Variants in MEGF11 observed in about 807,000 individuals in gnomAD.
The protein encoded by MEGF11 is multiple EGF like domains 11.
A neutral mutation model predicts 146.6 loss-of-function variants in MEGF11; 126 were observed. The ratio of observed to expected loss-of-function variants is 0.86; its 90% CI spans 0.74 to 1.00. The LOEUF (loss-of-function observed/expected upper bound fraction) is 1.00, where lower values mean the gene tolerates loss of function less well. Ranked by LOEUF, MEGF11 falls within the 50% of genes least tolerant of loss-of-function variation. The pLI is 0.00. For missense variants in MEGF11, 1,509 were observed against 1,521.2 expected, an observed-to-expected ratio of 0.99 and a Z score of 0.13; for synonymous variants, 532 against 583.4, an observed-to-expected ratio of 0.91 and a Z score of 1.27.
intron 1 of MEGF11, among the ~76,000 whole-genome samples, chr15:66,135,064 C>A (rs1217660441): frequency 3.3e-5 from 5 of 152,152 alleles, no homozygotes; most frequent in Non-Finnish European, 7.3e-5. Flanking sequence ...TCACGTCTTG[C>A]ACATTAAGGA....
In MEGF11 at chr15:66,247,211, C is replaced by G. The variant is rs1419951080; in HGVS notation, c.-9+6394G>C. Among the ~76,000 whole-genome samples the G allele has an allele frequency of 2.6e-5, 4 of 152,244 alleles. No individual in the cohort carries two copies. In the East Asian group the frequency reaches 7.7e-4, roughly 29 times the overall value. On this transcript the variant is annotated intron_variant, in intron 1 of 25. Transcript: ENST00000395614. Reference sequence around the variant, plus strand: ...TGCTCCTCCTATAATGGTGGGTCTGCAAGTCATGATTATTTATTCTCTAGT... The same window carrying G: ...TGCTCCTCCTATAATGGTGGGTCTGGAAGTCATGATTATTTATTCTCTAGT...
In MEGF11 at chr15:65,964,923, G is replaced by T. The variant is rs756519988; in HGVS notation, c.1097C>A (p.Ala366Asp). The T allele has an allele frequency of 7.0e-6, 11 of 1,566,810 alleles. No homozygotes were observed. The South Asian group carries it at 1.2e-4, about 17-fold the overall frequency. The stretch of plus-strand genomic sequence containing the variant: ...CAGCTCATACCTGATGGTGTTGTCA[G>T]CGTCACAGGGGCAGGGCAGGGTGCA... ...PGCTLPCPCDADNTISCHPVT... is the reference protein window; with the variant it reads ...PGCTLPCPCDDDNTISCHPVT... The change falls in exon 9 of 26, where the codon GCT (alanine) becomes GAT (aspartate). Residue 366 changes from alanine to aspartate, a missense_variant. By Grantham distance (126) the Ala-to-Asp change is moderately radical. Coordinates refer to ENST00000395614, the MANE Select transcript of MEGF11 (RefSeq NM_001385028.1).
At chr15:66,141,145 G>A (rs1046091622) in intron 1 of MEGF11, among the ~76,000 whole-genome samples, 22 of 152,052 alleles carry the variant, frequency 1.4e-4, no homozygotes, top group Admixed American at 5.2e-4. Context: ...CGAAATGCAG[G>A]CTCACGTGGA....
chr15:66,188,544 A>G (rs1567277190), intron 1 of MEGF11, among the ~76,000 whole-genome samples: 1 of 152,176 alleles, frequency 6.6e-6, no homozygotes, highest in Non-Finnish European at 1.5e-5. Flanking sequence ...CGCTCATGGA[A>G]GCCCCATACT....
chr15:66,062,859 A>G (rs971554005), intron 5 of MEGF11, among the ~76,000 whole-genome samples: 3 of 152,228 alleles, frequency 2.0e-5, no homozygotes, highest in African/African-American at 7.2e-5. Flanking sequence ...GCATAGCTGG[A>G]GCAGGTGTGC....
intron 24 of MEGF11, chr15:65,902,238 G>C (rs1277892162): frequency 6.6e-6 from 1 of 152,212 alleles, no homozygotes; most frequent in African/African-American, 2.4e-5. Context: ...AAAAGTCGGG[G>C]CTACTTTAAA....
At position 65,964,892 on chromosome 15, in the gene MEGF11, C is replaced by T; in HGVS notation, c.1112+16G>A. The T allele has an allele frequency of 6.8e-7, 1 of 1,464,466 alleles. No individual in the cohort carries two copies. Among genetic ancestry groups the T allele is most frequent in the Non-Finnish European group, 9.1e-7 (1 of 1,102,438 alleles). 90.7% of individuals were successfully genotyped at this position (1,464,466 alleles called of 1,614,324 possible). A position where few individuals can be genotyped will look rare whatever the true frequency, so the allele number is the denominator to read the frequency against. On this transcript the variant is annotated intron_variant, in intron 9 of 25. Transcript: ENST00000395614. The stretch of plus-strand genomic sequence containing the variant: ...CCCCCGCCCTTGTCCCGGGCTCGCC[C>T]ATTCCCAGCTCATACCTGATGGTGT...
At chr15:65,931,807 A>G (rs552600201) in intron 10 of MEGF11, among the ~76,000 whole-genome samples, 2 of 152,360 alleles carry the variant, frequency 1.3e-5, no homozygotes, top group South Asian at 4.1e-4. Context: ...TCCTTTCTCA[A>G]TATCATGTGC....
intron 5 of MEGF11, among the ~76,000 whole-genome samples, chr15:66,082,514 T>TATCTATCTATATATAA (rs1555468628): frequency 9.6e-5 from 11 of 115,026 alleles, no homozygotes; most frequent in Non-Finnish European, 1.5e-4. Context: ...TCTATCTATC[T>TATCTATCTATATATAA]ATAAATAAAT....
Position 65,916,838 on chromosome 15 carries a change from G to C in MEGF11, c.2205C>G (p.Phe735Leu). ...GGAGGTGGGGCTTACGCTGTGTGCAGAAGAGTCCAGTCCAGCCAGGGGTGC... is the reference window on the plus strand; with the variant it reads ...GGAGGTGGGGCTTACGCTGTGTGCACAAGAGTCCAGTCCAGCCAGGGGTGC... Reference protein sequence around the residue: ...CHCTPGWTGLFCTQRCPAAFF... With the variant: ...CHCTPGWTGLLCTQRCPAAFF... Residue 735 changes from phenylalanine to leucine, a missense_variant, in exon 17 of 26, where the codon TTC (phenylalanine) becomes TTG (leucine). Phe to Leu is a conservative substitution (Grantham distance 22, BLOSUM62 0). Coordinates refer to ENST00000395614, the MANE Select transcript of MEGF11 (RefSeq NM_001385028.1). 6.2e-7 allele frequency: 1 copy of C among 1,607,934 alleles called. No individual in the cohort carries two copies. The highest frequency in any genetic ancestry group is 8.5e-7 in the Non-Finnish European group (1 of 1,176,048).
chr15:66,063,742 G>A (rs1418610737), intron 5 of MEGF11, among the ~76,000 whole-genome samples: 1 of 152,196 alleles, frequency 6.6e-6, no homozygotes, highest in African/African-American at 2.4e-5. Flanking sequence ...TCTACACTTG[G>A]GAGTTCTCCA....
chr15:65,910,066 C>T (rs1448820584), intron 21 of MEGF11: 1 of 627,102 alleles, frequency 1.6e-6, no homozygotes, highest in Non-Finnish European at 3.0e-6. Flanking sequence ...GTAGCTTGAG[C>T]CAAGCTGGCC....
intron 9 of MEGF11, among the ~76,000 whole-genome samples, chr15:65,959,722 T>C (rs1247966618): frequency 6.6e-6 from 1 of 152,222 alleles, no homozygotes; most frequent in African/African-American, 2.4e-5. Context: ...TAATAAATAA[T>C]ATGTGACTAG....
At chr15:65,975,814 C>G (rs544135044) in intron 7 of MEGF11, among the ~76,000 whole-genome samples, 1 of 152,132 alleles carries the variant, frequency 6.6e-6, no homozygotes, top group South Asian at 2.1e-4. Flanking sequence ...AGTAATTGAA[C>G]CAAGTTGACA....
At position 65,972,946 on chromosome 15, in the gene MEGF11, C is replaced by T. The variant is rs182821092; in HGVS notation, c.763-2257G>A. On this transcript the variant is annotated intron_variant, in intron 7 of 25. Transcript: ENST00000395614. Reference sequence around the variant, plus strand: ...CAGCCTGACCAACATAGAGAAACCCCGTCTCTAATAAAAATACAAAATTAA... The same window carrying T: ...CAGCCTGACCAACATAGAGAAACCCTGTCTCTAATAAAAATACAAAATTAA... 4.6e-3 allele frequency among the ~76,000 whole-genome samples: 693 copies of T among 152,212 alleles called. 6 individuals are homozygous for T. Among genetic ancestry groups the T allele is most frequent in the African/African-American group, 0.016 (661 of 41,538 alleles).
intron 10 of MEGF11, 110 bp downstream of exon 10, chr15:65,957,437 G>T: frequency 9.4e-7 from 1 of 1,061,134 alleles, no homozygotes; most frequent in Non-Finnish European, 1.4e-6. Flanking sequence ...CTCTGAGGCG[G>T]ACACAAGGAG....
intron 5 of MEGF11, among the ~76,000 whole-genome samples, chr15:66,085,851 A>C (rs2086086236): frequency 6.6e-6 from 1 of 152,222 alleles, no homozygotes; most frequent in Non-Finnish European, 1.5e-5. Context: ...AAAAGAATTC[A>C]GGAGGTTATT....
At chr15:65,902,636 C>T (rs2078522839) in intron 24 of MEGF11, 1 of 152,242 alleles carries the variant, frequency 6.6e-6, no homozygotes, top group Non-Finnish European at 1.5e-5. Context: ...AGTCCCAGCC[C>T]TTCAGGGCAT....
intron 1 of MEGF11, among the ~76,000 whole-genome samples, chr15:66,193,242 C>T (rs1435558497): frequency 6.6e-6 from 1 of 152,188 alleles, no homozygotes; most frequent in East Asian, 1.9e-4. Context: ...CTCACATCCT[C>T]CCTCTAGATG....
Sources: gnomAD v4.1 joint callset for allele counts (sites outside exome capture counted in the v4.1 genomes callset) on GRCh38, gnomAD v4.1.1 for gene constraint, MANE v1.5 for transcripts, NCBI Gene and HGNC (gene_info 2026-07-23, HGNC 2026-07-21) for gene names.